The following PPFIA2 variants were observed in gnomAD, a reference collection of about 807,000 sequenced individuals.
The protein encoded by PPFIA2 is PPFI scaffold protein A2, also known as liprin-alpha-2.
PPFIA2 carries 46 observed loss-of-function variants against 175.5 expected under a neutral mutation model. That is an observed-to-expected ratio of 0.26 (90% CI 0.21 to 0.34). The LOEUF (loss-of-function observed/expected upper bound fraction) is 0.34. Among genes scored for constraint, PPFIA2 ranks in the 10% least tolerant of loss-of-function variants. The probability of loss-of-function intolerance (pLI) is 1.00; values close to 1 mark genes in which losing one functional copy is unlikely to be tolerated. For missense variants in PPFIA2, 1,179 were observed against 1,506.1 expected (o/e 0.78, Z 3.60); for synonymous variants, 568 against 511.4 (o/e 1.11, Z -1.49).
At chr12:81,687,375 C>T (rs1347751095) in intron 3 of PPFIA2, 3 of 152,048 alleles carry the variant, frequency 2.0e-5, no homozygotes, top group Non-Finnish European at 4.4e-5. Context: ...TATGTTTCTG[C>T]ACCACGGATT....
intron 9 of PPFIA2, among the ~76,000 whole-genome samples, chr12:81,379,795 G>A (rs924126087): frequency 6.6e-6 from 1 of 152,120 alleles, no homozygotes; most frequent in South Asian, 2.1e-4. Context: ...AATTACAAAA[G>A]TATATTCTGA....
intron 7 of PPFIA2, among the ~76,000 whole-genome samples, chr12:81,431,842 C>A (rs1170707245): frequency 6.6e-6 from 1 of 152,130 alleles, no homozygotes; most frequent in Non-Finnish European, 1.5e-5. Flanking sequence ...CAGGACAAAG[C>A]CCAACTCTAG....
chr12:81,357,619 T>G (rs1340427425), intron 16 of PPFIA2, among the ~76,000 whole-genome samples: 1 of 152,178 alleles, frequency 6.6e-6, no homozygotes, highest in Non-Finnish European at 1.5e-5. Flanking sequence ...CCAATTTTAA[T>G]TAAGTTAATT....
intron 3 of PPFIA2, among the ~76,000 whole-genome samples, chr12:81,729,903 G>A (rs971358158): frequency 1.3e-5 from 2 of 151,490 alleles, no homozygotes; most frequent in African/African-American, 2.4e-5. Flanking sequence ...TTCCACAACC[G>A]CAAGGATTGA....
At chr12:81,580,484 G>A (rs1346474424) in intron 4 of PPFIA2, among the ~76,000 whole-genome samples, 5 of 151,744 alleles carry the variant, frequency 3.3e-5, no homozygotes, top group Non-Finnish European at 4.4e-5. Context: ...GATTGAAATG[G>A]AATATCTATA....
chr12:81,652,252 G>T (rs557112027), intron 4 of PPFIA2, among the ~76,000 whole-genome samples: 1 of 148,068 alleles, frequency 6.8e-6, no homozygotes, highest in African/African-American at 2.5e-5. Flanking sequence ...TAAACTGGCT[G>T]CAAAATTTAA....
chr12:81,358,462 AC>A (rs2061171025), intron 15 of PPFIA2, among the ~76,000 whole-genome samples: 3 of 152,126 alleles, frequency 2.0e-5, no homozygotes, highest in Admixed American at 2.0e-4. Context: ...AGTGCTTATA[AC>A]CTTTCTGTTT....
intron 4 of PPFIA2, among the ~76,000 whole-genome samples, chr12:81,536,964 C>A (rs375148305): frequency 1.3e-5 from 2 of 150,576 alleles, no homozygotes; most frequent in East Asian, 3.9e-4. Flanking sequence ...AGTTCCCCAC[C>A]GGTTATTGAC....
At chr12:81,290,414 C>G (rs962234379) in intron 24 of PPFIA2, among the ~76,000 whole-genome samples, 1 of 151,676 alleles carries the variant, frequency 6.6e-6, no homozygotes, top group Non-Finnish European at 1.5e-5. Context: ...TGAGTAAATG[C>G]TACCATGTAG....
At chr12:81,736,770 A>C (rs2081627701) in intron 3 of PPFIA2, among the ~76,000 whole-genome samples, 1 of 151,984 alleles carries the variant, frequency 6.6e-6, no homozygotes, top group African/African-American at 2.4e-5. Flanking sequence ...TTTTAGACAA[A>C]GTCTCTGTCT....
At chr12:81,407,554 A>C (rs929092163) in intron 7 of PPFIA2, among the ~76,000 whole-genome samples, 17 of 151,840 alleles carry the variant, frequency 1.1e-4, no homozygotes, top group Admixed American at 5.9e-4. Flanking sequence ...AAAAAAACCT[A>C]AAGTTTTCCC....
chr12:81,400,963 G>T (rs548157222), intron 8 of PPFIA2, among the ~76,000 whole-genome samples: 1 of 152,148 alleles, frequency 6.6e-6, no homozygotes, highest in Non-Finnish European at 1.5e-5. Flanking sequence ...ACTGCATATA[G>T]TTAAGTGTGA....
chr12:81,496,283 A>G (rs968689676), intron 4 of PPFIA2, among the ~76,000 whole-genome samples: 2 of 152,178 alleles, frequency 1.3e-5, no homozygotes, highest in Non-Finnish European at 2.9e-5. Context: ...ATTATCCACA[A>G]GCAATGTGTG....
chr12:81,511,476 CAT>C (rs1287164443), intron 4 of PPFIA2, among the ~76,000 whole-genome samples: 2 of 151,790 alleles, frequency 1.3e-5, no homozygotes, highest in African/African-American at 4.8e-5. Context: ...ATTTGGATAA[CAT>C]AGGAAAATAT....
intron 4 of PPFIA2, among the ~76,000 whole-genome samples, chr12:81,630,248 T>C (rs1449369504): frequency 1.3e-5 from 2 of 152,194 alleles, no homozygotes; most frequent in Non-Finnish European, 2.9e-5. Context: ...TTTTAAACTA[T>C]AAAATTATAG....
At chr12:81,498,419 T>A (rs1270979919) in intron 4 of PPFIA2, among the ~76,000 whole-genome samples, 2 of 152,158 alleles carry the variant, frequency 1.3e-5, no homozygotes, top group Admixed American at 1.3e-4. Context: ...TCTTTCATGA[T>A]CTTCACAGGT....
Position 81,758,422 on chromosome 12 carries a change from C to T in PPFIA2, c.-25G>A, listed in dbSNP as rs987887687. 6.6e-6 allele frequency: 3 copies of T among 456,550 alleles called. No individual in the cohort carries two copies. Among genetic ancestry groups the T allele is most frequent in the African/African-American group, 2.0e-5 (1 of 50,168 alleles). 28.3% of individuals were successfully genotyped at this position (456,550 alleles called of 1,614,324 possible). ...TACCTAATGTCTGTGATTTCGGGTC[C>T]TTGCTTCTTCAATTGATCAATGACA... On this transcript the variant is annotated 5_prime_UTR_variant, in exon 2 of 33. Coordinates refer to ENST00000549396, the MANE Select transcript of PPFIA2 (RefSeq NM_003625.5).
intron 8 of PPFIA2, among the ~76,000 whole-genome samples, chr12:81,394,794 T>C (rs2040806929): frequency 6.7e-6 from 1 of 149,236 alleles, no homozygotes; most frequent in Non-Finnish European, 1.5e-5. Context: ...ATATTCTGCA[T>C]GTGTCCCAGA....
chr12:81,566,715 G>A (rs890241308), intron 4 of PPFIA2, among the ~76,000 whole-genome samples: 4 of 152,084 alleles, frequency 2.6e-5, no homozygotes, highest in African/African-American at 7.2e-5. Flanking sequence ...TACACTCATT[G>A]CAATGGATTC....
Sources: allele counts gnomAD v4.1 joint callset (sites outside exome capture counted in the v4.1 genomes callset), GRCh38; gene constraint gnomAD v4.1.1; transcripts MANE v1.5; gene names NCBI Gene and HGNC (gene_info 2026-07-23, HGNC 2026-07-21).